Variants in NCF2 observed in about 807,000 individuals in gnomAD.
NCF2 encodes neutrophil cytosolic factor 2.
A neutral mutation model predicts 70.9 loss-of-function variants in NCF2; 45 were observed. The ratio of observed to expected loss-of-function variants is 0.63; its 90% CI spans 0.50 to 0.81. NCF2 has a LOEUF of 0.81. NCF2 is among the 40% of genes least tolerant of loss of function. The pLI is 0.00. For missense variants in NCF2, 522 were observed against 631.6 expected, an observed-to-expected ratio of 0.83 and a Z score of 1.86; for synonymous variants, 203 against 233.6, an observed-to-expected ratio of 0.87 and a Z score of 1.19.
At chr1:183,556,329 C>T in intron 14 of NCF2, 99 bp from the exon 15 acceptor site, 4 of 1,020,048 alleles carry the variant, frequency 3.9e-6, no homozygotes, top group Non-Finnish European at 6.2e-6. Flanking sequence ...TCACCCTTCC[C>T]CACCCCTAAT....
intron 14 of NCF2, among the ~76,000 whole-genome samples, chr1:183,559,371 G>C (rs1412899214): frequency 1.3e-5 from 2 of 152,170 alleles, no homozygotes; most frequent in Non-Finnish European, 2.9e-5. Context: ...AGAGACACAG[G>C]ATAGTTCTGA....
At chr1:183,574,681 A>C in intron 3 of NCF2, 60 bp from the exon 4 acceptor site, 1 of 1,589,204 alleles carries the variant, frequency 6.3e-7, no homozygotes, top group Non-Finnish European at 8.6e-7. Context: ...GGTGCCAGGG[A>C]AAGGCTCACA....
rs1471126078 is a variant in NCF2, at chr1:183,563,565, G to T, written c.1047C>A (p.Pro349=). ...EEPKEVKLSV[P]MPYTLKVHYK... is the part of the protein sequence containing the mutation. ...AGTGCACCTTGAGTGTGTAGGGCAT[G>T]GGAACACTGAGCTTCACTTCCTGAG... The change falls in exon 12 of 15, where the codon CCC becomes CCA. Residue 349 remains proline (P), a synonymous_variant. Coordinates refer to ENST00000367535, the MANE Select transcript of NCF2 (RefSeq NM_000433.4). 1 of 1,613,636 alleles carries T rather than the reference G, an allele frequency of 6.2e-7. No individual in the cohort carries two copies. Among genetic ancestry groups the T allele is most frequent in the Non-Finnish European group, 8.5e-7 (1 of 1,180,034 alleles).
chr1:183,574,140 G>T (rs1037668377), intron 4 of NCF2, among the ~76,000 whole-genome samples: 3 of 152,206 alleles, frequency 2.0e-5, no homozygotes, highest in Non-Finnish European at 4.4e-5. Flanking sequence ...CTAGCACTGT[G>T]CCAGGCTGTG....
intron 5 of NCF2, among the ~76,000 whole-genome samples, chr1:183,571,593 T>C (rs1672567014): frequency 6.6e-6 from 1 of 152,240 alleles, no homozygotes; most frequent in African/African-American, 2.4e-5. Context: ...ACCGGTTTGC[T>C]TTCTGTGACT....
chr1:183,587,048 A>G lies in NCF2; in HGVS notation c.175-71T>C, dbSNP rs1048095764. The G allele has an allele frequency of 3.5e-6, 5 of 1,410,304 alleles. No individual in the cohort carries two copies. The African/African-American group carries it at 7.1e-5, about 20-fold the overall frequency. 87.4% of individuals were successfully genotyped at this position (1,410,304 alleles called of 1,614,324 possible). A position where few individuals can be genotyped will look rare whatever the true frequency, so the allele number is the denominator to read the frequency against. On this transcript the variant is annotated intron_variant, in intron 1 of 14. Transcript: ENST00000367535. ...GGAGGTGTGAGATGAGCCACGGCTCACAGAGCCCTAGCTCCCTGTGGTGCC... is the reference window on the plus strand; with the variant it reads ...GGAGGTGTGAGATGAGCCACGGCTCGCAGAGCCCTAGCTCCCTGTGGTGCC...
intron 2 of NCF2, among the ~76,000 whole-genome samples, chr1:183,583,338 G>A (rs907177097): frequency 1.3e-5 from 2 of 152,200 alleles, no homozygotes; most frequent in African/African-American, 4.8e-5. Flanking sequence ...ACAGGTGTGA[G>A]CCACTGTGCC....
intron 2 of NCF2, among the ~76,000 whole-genome samples, chr1:183,585,391 C>T (rs540228231): frequency 3.2e-4 from 49 of 152,092 alleles, no homozygotes; most frequent in African/African-American, 1.1e-3. Context: ...TTTGGGAGGC[C>T]GAGGCGGGTG....
intron 3 of NCF2, among the ~76,000 whole-genome samples, 199 bp downstream of exon 3, chr1:183,577,400 A>C (rs1572166526): frequency 6.6e-6 from 1 of 152,198 alleles, no homozygotes; most frequent in Non-Finnish European, 1.5e-5. Context: ...CCCCCAGGTA[A>C]CTGATGACAA....
chr1:183,565,621 C>G (rs1672265785), intron 10 of NCF2, 83 bp downstream of exon 10: 2 of 1,392,038 alleles, frequency 1.4e-6, no homozygotes, highest in African/African-American at 2.8e-5. Context: ...CCAGAATTTC[C>G]TGGAAGGCAG....
rs1445359107 is a variant in NCF2, at chr1:183,570,765, T to G, written c.669+15A>C. On this transcript the variant is annotated intron_variant, in intron 6 of 14. Transcript: ENST00000367535. ...TCGAGACCTAGGTCCATGGAGAAGG[T>G]CAGGACTGCCTTACCTGTGGTTGCA... The G allele has an allele frequency of 1.2e-6, 2 of 1,613,726 alleles. No homozygotes were observed. The highest frequency in any genetic ancestry group is 1.7e-5 in the Admixed American group (1 of 60,024).
chr1:183,558,174 TA>T (rs1197279313), intron 14 of NCF2, among the ~76,000 whole-genome samples: 1 of 152,008 alleles, frequency 6.6e-6, no homozygotes, highest in Non-Finnish European at 1.5e-5. Context: ...ACGCCCAGCC[TA>T]TACTACTCAT....
At position 183,563,261 on chromosome 1, in the gene NCF2, G is replaced by A. The variant is rs1280414227; in HGVS notation, c.1224C>T (p.Asp408=). Residue 408 remains aspartate, a synonymous_variant, in exon 13 of 15, where the codon GAC becomes GAT. Transcript: ENST00000367535. The stretch of plus-strand genomic sequence containing the variant: ...CCTGGCCCCAGGCATCCTTCATGCT[G>A]TCTTCTGAAAGGGGCACCAGCTCAT... The part of the protein sequence containing the change: ...DSNELVPLSE[D]SMKDAWGQVK... 10 of 1,614,082 alleles carry A rather than the reference G, an allele frequency of 6.2e-6. No individual in the cohort carries two copies. The highest frequency in any genetic ancestry group is 7.6e-6 in the Non-Finnish European group (9 of 1,180,046).
chr1:183,578,651 G>A (rs1672917242), intron 2 of NCF2, among the ~76,000 whole-genome samples: 1 of 152,220 alleles, frequency 6.6e-6, no homozygotes, highest in Admixed American at 6.5e-5. Context: ...ACAGGCATGA[G>A]CCACCATGCC....
Position 183,577,787 on chromosome 1 carries a change from C to T in NCF2, c.258-80G>A, listed in dbSNP as rs558628541. 3.5e-5 allele frequency: 36 copies of T among 1,022,846 alleles called. No individual in the cohort carries two copies. In the East Asian group the frequency reaches 8.1e-4, roughly 23 times the overall value. 63.4% of individuals were successfully genotyped at this position (1,022,846 alleles called of 1,614,324 possible). ...GCATAAAATGTGAGTCTGCTTCTCC[C>T]TTCCCCATCTATTTCACTGGGACAA... On this transcript the variant is annotated intron_variant, in intron 2 of 14. Transcript: ENST00000367535.
At chr1:183,559,348 CAAG>C (rs1671936199) in intron 14 of NCF2, among the ~76,000 whole-genome samples, 1 of 152,122 alleles carries the variant, frequency 6.6e-6, no homozygotes, top group African/African-American at 2.4e-5. Context: ...CAAACAGAAT[CAAG>C]AAAGTCACCA....
intron 10 of NCF2, among the ~76,000 whole-genome samples, chr1:183,565,472 T>A (rs1672259518): frequency 6.6e-6 from 1 of 152,194 alleles, no homozygotes; most frequent in African/African-American, 2.4e-5. Context: ...ACCAGCTGCA[T>A]TCACCCAAGC....
At chr1:183,566,262 A>G (rs953950274) in intron 9 of NCF2, among the ~76,000 whole-genome samples, 1 of 152,206 alleles carries the variant, frequency 6.6e-6, no homozygotes, top group Non-Finnish European at 1.5e-5. Flanking sequence ...TGAGTCACTT[A>G]CAGGGATGCT....
In NCF2 at chr1:183,567,713, G is replaced by C. The variant is rs573981459; in HGVS notation, c.714-368C>G. ...GGTGGATCAGGTGACTGTGGTCAGG[G>C]GAACAGCACAAAGCAGAAGTCAGGT... On this transcript the variant is annotated intron_variant, in intron 7 of 14. Coordinates refer to ENST00000367535, the MANE Select transcript of NCF2 (RefSeq NM_000433.4). Among the ~76,000 whole-genome samples, 3 of 152,274 alleles carry C rather than the reference G, an allele frequency of 2.0e-5. No homozygotes were observed. The East Asian group carries it at 5.8e-4, about 29-fold the overall frequency.
Sources: gnomAD v4.1 joint callset for allele counts (sites outside exome capture counted in the v4.1 genomes callset) on GRCh38, gnomAD v4.1.1 for gene constraint, MANE v1.5 for transcripts, NCBI Gene and HGNC (gene_info 2026-07-23, HGNC 2026-07-21) for gene names.